Variants in NRG1 observed in about 807,000 individuals in gnomAD.
The protein encoded by NRG1 is pro-neuregulin-1, membrane-bound isoform.
Under a neutral mutation model 63.8 loss-of-function variants are expected in NRG1, and 18 were observed. The ratio of observed to expected loss-of-function variants is 0.28; its 90% CI spans 0.19 to 0.42. The LOEUF is 0.42. Among genes scored for constraint, NRG1 ranks in the 10% least tolerant of loss-of-function variants. NRG1 has a pLI of 1.00. For synonymous variants in NRG1, 302 were observed against 301.3 expected (o/e 1.00, Z -0.02); for missense variants, 762 against 814.7 (o/e 0.94, Z 0.79).
At chr8:32,339,216 A>C (rs1803727870) in intron 1 of NRG1, among the ~76,000 whole-genome samples, 1 of 152,200 alleles carries the variant, frequency 6.6e-6, no homozygotes, top group African/African-American at 2.4e-5. Flanking sequence ...ACAAAGTTGA[A>C]TATACACCCA....
intron 1 of NRG1, among the ~76,000 whole-genome samples, chr8:32,357,509 TTTA>T (rs1806598452): frequency 6.6e-6 from 1 of 152,200 alleles, no homozygotes; most frequent in Non-Finnish European, 1.5e-5. Context: ...TTATTTCCCT[TTTA>T]TTGAGCTCAC....
chr8:32,232,237 A>G (rs985179421), intron 1 of NRG1, among the ~76,000 whole-genome samples: 1 of 152,132 alleles, frequency 6.6e-6, no homozygotes, highest in African/African-American at 2.4e-5. Flanking sequence ...TGATGATTCA[A>G]ATCATTGAAG....
chr8:32,232,938 G>A (rs547365684), intron 1 of NRG1, among the ~76,000 whole-genome samples: 2 of 151,930 alleles, frequency 1.3e-5, no homozygotes, highest in African/African-American at 4.8e-5. Context: ...TACATGACTA[G>A]GTCACCAACA....
chr8:32,373,375 C>T (rs1809181705), intron 1 of NRG1, among the ~76,000 whole-genome samples: 1 of 152,152 alleles, frequency 6.6e-6, no homozygotes, highest in Non-Finnish European at 1.5e-5. Context: ...TAGAAATATG[C>T]ACATCCATCT....
intron 1 of NRG1, among the ~76,000 whole-genome samples, chr8:32,572,734 G>A (rs1460917318): frequency 6.6e-6 from 1 of 152,054 alleles, no homozygotes; most frequent in Non-Finnish European, 1.5e-5. Flanking sequence ...CCATAATTAT[G>A]TCTCTAATTT....
At chr8:32,059,329 A>G (rs538973114) in intron 1 of NRG1, among the ~76,000 whole-genome samples, 1 of 151,710 alleles carries the variant, frequency 6.6e-6, no homozygotes, top group South Asian at 2.1e-4. Flanking sequence ...CCTACTCCAC[A>G]CTGGACTTAC....
intron 1 of NRG1, among the ~76,000 whole-genome samples, chr8:32,285,315 A>T (rs1853398865): frequency 6.6e-6 from 1 of 152,202 alleles, no homozygotes; most frequent in South Asian, 2.1e-4. Flanking sequence ...TAGAGGCAGG[A>T]CTAAACACTC....
chr8:32,044,931 A>AAAAAAAAAAAAAAG (rs1491195459), intron 1 of NRG1, among the ~76,000 whole-genome samples: 3 of 131,566 alleles, frequency 2.3e-5, no homozygotes, highest in Admixed American at 7.6e-5. Context: ...AAAAAAAAAA[A>AAAAAAAAAAAAAAG]CACACACACA....
chr8:32,504,960 A>G (rs1828346106), intron 1 of NRG1, among the ~76,000 whole-genome samples: 1 of 152,200 alleles, frequency 6.6e-6, no homozygotes, highest in Non-Finnish European at 1.5e-5. Context: ...TTTACATATC[A>G]AAGAGATGGC....
At chr8:31,702,145 T>C (rs1810689984) in intron 1 of NRG1, among the ~76,000 whole-genome samples, 1 of 152,224 alleles carries the variant, frequency 6.6e-6, no homozygotes, top group South Asian at 2.1e-4. Context: ...CAGTATACAG[T>C]TGATCTTTAG....
chr8:32,572,356 A>G (rs1442273564), intron 1 of NRG1, among the ~76,000 whole-genome samples: 4 of 152,186 alleles, frequency 2.6e-5, no homozygotes, highest in Non-Finnish European at 5.9e-5. Flanking sequence ...AATGTTATCA[A>G]TATATCATAA....
chr8:32,681,143 A>T (rs1808510709), intron 5 of NRG1, among the ~76,000 whole-genome samples: 1 of 152,124 alleles, frequency 6.6e-6, no homozygotes, highest in African/African-American at 2.4e-5. Flanking sequence ...ACAAATGAAG[A>T]CTATGTCAGT....
chr8:32,764,271 A>G, exon 12 of NRG1: 1 of 1,614,142 alleles, frequency 6.2e-7, no homozygotes, highest in Non-Finnish European at 8.5e-7. Context: ...CCTGGCAGCC[A>G]GTCTTGAGGC....
At chr8:32,197,365 C>T (rs1443818127) in intron 1 of NRG1, among the ~76,000 whole-genome samples, 1 of 152,150 alleles carries the variant, frequency 6.6e-6, no homozygotes, top group Non-Finnish European at 1.5e-5. Flanking sequence ...TTTTTACCCT[C>T]ACCTCTGGGA....
chr8:31,662,935 T>A (rs1806147545), intron 1 of NRG1, among the ~76,000 whole-genome samples: 1 of 152,182 alleles, frequency 6.6e-6, no homozygotes, highest in African/African-American at 2.4e-5. Flanking sequence ...TGACCCAGAC[T>A]GTCATTTTTT....
At chr8:32,404,695 C>T (rs1438520173) in intron 1 of NRG1, among the ~76,000 whole-genome samples, 2 of 150,698 alleles carry the variant, frequency 1.3e-5, no homozygotes, top group Non-Finnish European at 2.9e-5. Flanking sequence ...AGCAATTCTC[C>T]TGCCTCAGCC....
intron 1 of NRG1, among the ~76,000 whole-genome samples, chr8:31,710,429 A>G (rs1412522127): frequency 6.6e-6 from 1 of 151,984 alleles, no homozygotes; most frequent in Non-Finnish European, 1.5e-5. Flanking sequence ...CATCCATAAC[A>G]CATTAATGAT....
chr8:31,718,023 A>G (rs1458550965), intron 1 of NRG1, among the ~76,000 whole-genome samples: 2 of 152,172 alleles, frequency 1.3e-5, no homozygotes, highest in African/African-American at 4.8e-5. Context: ...ATCTTTTTCT[A>G]TCAGTCAGAG....
intron 5 of NRG1, among the ~76,000 whole-genome samples, chr8:32,686,591 G>C (rs150752379): frequency 3.3e-5 from 5 of 152,136 alleles, no homozygotes; most frequent in African/African-American, 1.2e-4. Context: ...ATTATTTGTG[G>C]GACACCTGAT....
Sources: allele counts gnomAD v4.1 joint callset (sites outside exome capture counted in the v4.1 genomes callset), GRCh38; gene constraint gnomAD v4.1.1; transcripts MANE v1.5; gene names NCBI Gene and HGNC (gene_info 2026-07-23, HGNC 2026-07-21).